ZNF804A: variants seen among roughly 807,000 people sequenced by gnomAD.
The protein encoded by ZNF804A is zinc finger protein 804A.
Under a neutral mutation model 16.5 loss-of-function variants are expected in ZNF804A, and 2 were observed. The ratio of observed to expected loss-of-function variants is 0.12; its 90% CI spans 0.05 to 0.38. The LOEUF (loss-of-function observed/expected upper bound fraction) is 0.38. Ranked by LOEUF, ZNF804A falls within the 10% of genes least tolerant of loss-of-function variation. ZNF804A has a pLI of 0.99. For synonymous variants in ZNF804A, 534 were observed against 489.6 expected (o/e 1.09, Z -1.20); for missense variants, 1,473 against 1,390.7 (o/e 1.06, Z -0.94).
At chr2:184,737,727 C>G (rs2105751135) in intron 1 of ZNF804A, among the ~76,000 whole-genome samples, 1 of 152,058 alleles carries the variant, frequency 6.6e-6, no homozygotes, top group East Asian at 1.9e-4. Context: ...ATTTCTGTAG[C>G]CTATATGAAT....
intron 1 of ZNF804A, among the ~76,000 whole-genome samples, chr2:184,727,632 A>G (rs1693435315): frequency 6.6e-6 from 1 of 151,678 alleles, no homozygotes; most frequent in African/African-American, 2.4e-5. Flanking sequence ...TCCCAGAGAA[A>G]ATATTTAAAC....
At chr2:184,919,487 G>A (rs1291856370) in intron 2 of ZNF804A, among the ~76,000 whole-genome samples, 2 of 152,160 alleles carry the variant, frequency 1.3e-5, no homozygotes, top group African/African-American at 4.8e-5. Flanking sequence ...ACAGGCAGCC[G>A]GGGAAAGAGG....
chr2:184,664,941 G>A (rs1250282318), intron 1 of ZNF804A, among the ~76,000 whole-genome samples: 1 of 152,148 alleles, frequency 6.6e-6, no homozygotes, highest in Admixed American at 6.5e-5. Flanking sequence ...AACCAGCGTA[G>A]TATACTAGAA....
intron 2 of ZNF804A, among the ~76,000 whole-genome samples, chr2:184,898,430 C>A (rs542464472): frequency 5.3e-5 from 8 of 152,192 alleles, no homozygotes; most frequent in African/African-American, 1.7e-4. Context: ...GAATATAGAA[C>A]ACCAACTCCA....
At chr2:184,860,166 C>T (rs1358735939) in intron 1 of ZNF804A, among the ~76,000 whole-genome samples, 3 of 152,172 alleles carry the variant, frequency 2.0e-5, no homozygotes, top group African/African-American at 7.2e-5. Flanking sequence ...CCTCCGGAGT[C>T]CAGGGCATGT....
intron 1 of ZNF804A, among the ~76,000 whole-genome samples, chr2:184,607,248 C>T (rs1028103840): frequency 6.6e-6 from 1 of 152,154 alleles, no homozygotes; most frequent in African/African-American, 2.4e-5. Context: ...GTCAAGCTCT[C>T]TCTAAATTAG....
intron 2 of ZNF804A, 143 bp downstream of exon 2, chr2:184,866,655 A>T: frequency 1.5e-6 from 1 of 683,940 alleles, no homozygotes; most frequent in Non-Finnish European, 2.1e-6. Context: ...TGGGATGATA[A>T]TTTGATGACT....
intron 1 of ZNF804A, among the ~76,000 whole-genome samples, chr2:184,720,732 T>G (rs551147779): frequency 6.6e-6 from 1 of 152,246 alleles, no homozygotes; most frequent in South Asian, 2.1e-4. Flanking sequence ...ACCGATGTCA[T>G]TTTTCACAGA....
chr2:184,859,259 T>C (rs1471874784), intron 1 of ZNF804A, among the ~76,000 whole-genome samples: 1 of 152,162 alleles, frequency 6.6e-6, no homozygotes, highest in African/African-American at 2.4e-5. Context: ...TGCTTGATGC[T>C]GTTCAATAAA....
At chr2:184,723,506 T>A (rs975101073) in intron 1 of ZNF804A, among the ~76,000 whole-genome samples, 1 of 151,872 alleles carries the variant, frequency 6.6e-6, no homozygotes, top group African/African-American at 2.4e-5. Context: ...GTATTGTAAC[T>A]ATAAATACTG....
chr2:184,697,037 G>T, intron 1 of ZNF804A, among the ~76,000 whole-genome samples: 1 of 151,888 alleles, frequency 6.6e-6, no homozygotes, highest in South Asian at 2.1e-4. Context: ...TAGTATAAAT[G>T]ACATTGATAT....
intron 1 of ZNF804A, among the ~76,000 whole-genome samples, chr2:184,729,054 A>G (rs1362469856): frequency 6.6e-6 from 1 of 151,928 alleles, no homozygotes; most frequent in East Asian, 1.9e-4. Context: ...GGGATTGGGG[A>G]GATGTTACTG....
intron 1 of ZNF804A, among the ~76,000 whole-genome samples, chr2:184,798,595 T>A (rs1192416747): frequency 6.6e-6 from 1 of 152,138 alleles, no homozygotes; most frequent in Non-Finnish European, 1.5e-5. Context: ...TTTGATTGTT[T>A]TTTCTTTATG....
intron 2 of ZNF804A, among the ~76,000 whole-genome samples, chr2:184,920,779 G>A (rs980206077): frequency 7.2e-5 from 11 of 152,168 alleles, no homozygotes; most frequent in Non-Finnish European, 1.0e-4. Flanking sequence ...TTGGCTGACA[G>A]CCAATAAGAA....
chr2:184,713,590 T>A (rs1023689401), intron 1 of ZNF804A, among the ~76,000 whole-genome samples: 2 of 151,976 alleles, frequency 1.3e-5, no homozygotes, highest in Non-Finnish European at 2.9e-5. Context: ...AATAACTATG[T>A]GCCATATACC....
chr2:184,707,540 A>C (rs1196441027), intron 1 of ZNF804A, among the ~76,000 whole-genome samples: 1 of 152,004 alleles, frequency 6.6e-6, no homozygotes, highest in African/African-American at 2.4e-5. Context: ...AACATGTAGT[A>C]TTTGGTTTTT....
intron 1 of ZNF804A, among the ~76,000 whole-genome samples, chr2:184,690,363 A>G (rs1259540779): frequency 1.3e-5 from 2 of 152,024 alleles, no homozygotes; most frequent in African/African-American, 2.4e-5. Context: ...TGTGCTTACT[A>G]TTCCATTCTA....
chr2:184,753,866 C>A (rs1340890621), intron 1 of ZNF804A, among the ~76,000 whole-genome samples: 1 of 151,728 alleles, frequency 6.6e-6, no homozygotes, highest in Non-Finnish European at 1.5e-5. Context: ...TATCCAGAGA[C>A]TAGGCTTGCC....
At chr2:184,707,809 A>G (rs1210814647) in intron 1 of ZNF804A, among the ~76,000 whole-genome samples, 2 of 152,160 alleles carry the variant, frequency 1.3e-5, no homozygotes, top group East Asian at 3.8e-4. Context: ...ATATATACCC[A>G]GTAATAAGAT....
Sources: gnomAD v4.1 joint callset for allele counts (sites outside exome capture counted in the v4.1 genomes callset) on GRCh38, gnomAD v4.1.1 for gene constraint, MANE v1.5 for transcripts, NCBI Gene and HGNC (gene_info 2026-07-23, HGNC 2026-07-21) for gene names.